CD2AP: variants seen among roughly 807,000 people sequenced by gnomAD.
The protein encoded by CD2AP is CD2-associated protein.
Under a neutral mutation model 85.1 loss-of-function variants are expected in CD2AP, and 46 were observed. That is an observed-to-expected ratio of 0.54 (90% CI 0.43 to 0.69). The LOEUF is 0.69. CD2AP is among the 30% of genes least tolerant of loss of function. The pLI is 0.00. For missense variants in CD2AP, 769 were observed against 729.5 expected (o/e 1.05, Z -0.62); for synonymous variants, 255 against 252.9 (o/e 1.01, Z -0.08).
intron 4 of CD2AP, among the ~76,000 whole-genome samples, chr6:47,548,375 C>T (rs1767422604): frequency 6.6e-6 from 1 of 152,130 alleles, no homozygotes. Flanking sequence ...GGAGATATTA[C>T]AGTTGACACC....
chr6:47,480,733 G>GAA lies in CD2AP; in HGVS notation c.4+2494_4+2495dup, dbSNP rs141302240. On this transcript the variant is annotated intron_variant, in intron 1 of 17. Coordinates refer to ENST00000359314, the MANE Select transcript of CD2AP (RefSeq NM_012120.3). ...TTCCCTAATTCTTGTACCAACTTGGGAAAAAAAAAATCTCAATTTTTGACC... is the reference window on the plus strand; with the variant it reads ...TTCCCTAATTCTTGTACCAACTTGGGAAAAAAAAAAAATCTCAATTTTTGACC... Among the ~76,000 whole-genome samples, 6 of 149,612 alleles carry GAA rather than the reference G, an allele frequency of 4.0e-5. No individual in the cohort carries two copies. The East Asian group carries it at 9.7e-4, about 24-fold the overall frequency.
intron 4 of CD2AP, among the ~76,000 whole-genome samples, chr6:47,548,137 C>T (rs918200666): frequency 1.3e-5 from 2 of 151,858 alleles, no homozygotes; most frequent in Admixed American, 6.6e-5. Flanking sequence ...AAGGGCACCT[C>T]AAGAAACGAG....
Position 47,533,594 on chromosome 6 carries a change from T to G in CD2AP, c.166-8T>G. On this transcript the variant is annotated splice_region_variant and splice_polypyrimidine_tract_variant and intron_variant, in intron 2 of 17. Coordinates refer to ENST00000359314, the MANE Select transcript of CD2AP (RefSeq NM_012120.3). ...AACTTGCCTCTTTATTTATTTTCCCTTTTGTAGGAAATTAAAAGAGAGACG... is the reference window on the plus strand; with the variant it reads ...AACTTGCCTCTTTATTTATTTTCCCGTTTGTAGGAAATTAAAAGAGAGACG... 6.2e-7 allele frequency: 1 copy of G among 1,612,988 alleles called. No homozygotes were observed. Among genetic ancestry groups the G allele is most frequent in the Non-Finnish European group, 8.5e-7 (1 of 1,179,456 alleles).
intron 13 of CD2AP, among the ~76,000 whole-genome samples, chr6:47,601,239 C>G (rs1425243815): frequency 6.6e-6 from 1 of 151,782 alleles, no homozygotes; most frequent in Non-Finnish European, 1.5e-5. Flanking sequence ...GTTATTTACT[C>G]CCTATATAGT....
intron 5 of CD2AP, among the ~76,000 whole-genome samples, chr6:47,564,257 C>G (rs1304643412): frequency 2.0e-5 from 3 of 152,104 alleles, no homozygotes; most frequent in Non-Finnish European, 4.4e-5. Flanking sequence ...TTAGGGTTCA[C>G]AGGTATTGGA....
At chr6:47,526,135 T>C (rs1329850711) in intron 2 of CD2AP, among the ~76,000 whole-genome samples, 3 of 152,192 alleles carry the variant, frequency 2.0e-5, no homozygotes, top group African/African-American at 7.2e-5. Flanking sequence ...CCTTAGGTAC[T>C]AGGTAAAGTT....
intron 4 of CD2AP, among the ~76,000 whole-genome samples, chr6:47,545,659 C>T (rs531030124): frequency 3.9e-5 from 6 of 152,278 alleles, no homozygotes; most frequent in African/African-American, 9.6e-5. Flanking sequence ...CTGGTATCCA[C>T]GGCTAAGAGA....
At chr6:47,491,879 C>A (rs867042677) in intron 1 of CD2AP, among the ~76,000 whole-genome samples, 5 of 152,052 alleles carry the variant, frequency 3.3e-5, no homozygotes, top group African/African-American at 2.4e-5. Context: ...CCAGCACCCC[C>A]AAACAGAACC....
chr6:47,494,603 T>TC (rs1034570914), intron 1 of CD2AP, among the ~76,000 whole-genome samples: 12 of 152,254 alleles, frequency 7.9e-5, no homozygotes, highest in African/African-American at 2.6e-4. Context: ...ACTTTTCTTT[T>TC]CCTCCTTGCC....
intron 11 of CD2AP, among the ~76,000 whole-genome samples, chr6:47,583,708 T>C (rs9395283): frequency 0.27 from 40,892 of 152,076 alleles, 5,695 homozygotes; most frequent in African/African-American, 0.33. Context: ...TTGGCACTTA[T>C]AAGGGGAGCT....
chr6:47,553,082 C>A (rs996532218), intron 4 of CD2AP, among the ~76,000 whole-genome samples: 2 of 151,710 alleles, frequency 1.3e-5, no homozygotes, highest in Admixed American at 6.6e-5. Context: ...TGTATTGTAG[C>A]CATCTGCTTA....
intron 2 of CD2AP, among the ~76,000 whole-genome samples, chr6:47,505,655 G>A (rs1315446201): frequency 8.8e-5 from 9 of 101,932 alleles, no homozygotes; most frequent in Admixed American, 1.9e-4. Flanking sequence ...CGGACGGGGC[G>A]GCTGGCCGGG....
intron 1 of CD2AP, among the ~76,000 whole-genome samples, chr6:47,494,554 T>C (rs1765810443): frequency 6.6e-6 from 1 of 152,134 alleles, no homozygotes; most frequent in Non-Finnish European, 1.5e-5. Context: ...GTGTAGGCCT[T>C]TGTTACAGAG....
rs990615740 is a variant in CD2AP, at chr6:47,511,012, G to T, written c.165+7572G>T. ...TGCTTGAACCCGGGAGGTAGAGGTTGCAATGAGCTGAGATCGCGCCACTGC... is the reference window on the plus strand; with the variant it reads ...TGCTTGAACCCGGGAGGTAGAGGTTTCAATGAGCTGAGATCGCGCCACTGC... On this transcript the variant is annotated intron_variant, in intron 2 of 17. Transcript: ENST00000359314. Among the ~76,000 whole-genome samples, 23 of 132,790 alleles carry T rather than the reference G, an allele frequency of 1.7e-4. 1 individual carries two copies. Among genetic ancestry groups the T allele is most frequent in the South Asian group, 2.5e-4 (1 of 4,060 alleles). 87.1% of individuals were successfully genotyped at this position (132,790 alleles called of 152,430 possible).
intron 12 of CD2AP, among the ~76,000 whole-genome samples, chr6:47,598,837 A>C (rs1769024803): frequency 6.6e-6 from 1 of 150,588 alleles, no homozygotes; most frequent in African/African-American, 2.4e-5. Flanking sequence ...CCAGAATCTT[A>C]GAAATCACCA....
intron 2 of CD2AP, among the ~76,000 whole-genome samples, chr6:47,518,489 C>G (rs1225388146): frequency 6.6e-6 from 1 of 152,082 alleles, no homozygotes; most frequent in Non-Finnish European, 1.5e-5. Flanking sequence ...TGTCTGCTCT[C>G]CTTTGCTAAG....
At chr6:47,488,738 AG>A (rs1213185745) in intron 1 of CD2AP, among the ~76,000 whole-genome samples, 3 of 147,038 alleles carry the variant, frequency 2.0e-5, no homozygotes, top group Non-Finnish European at 3.0e-5. Flanking sequence ...AAAAAAAAAA[AG>A]AGATAGCCAG....
intron 14 of CD2AP, among the ~76,000 whole-genome samples, chr6:47,607,418 C>G (rs1209913721): frequency 2.0e-5 from 3 of 152,036 alleles, no homozygotes; most frequent in Non-Finnish European, 4.4e-5. Flanking sequence ...ACATTCCCCC[C>G]AACAGTGTAC....
At chr6:47,553,513 A>ATTTTT (rs148273065) in intron 4 of CD2AP, among the ~76,000 whole-genome samples, 10 of 110,512 alleles carry the variant, frequency 9.0e-5, no homozygotes, top group African/African-American at 1.1e-4. Flanking sequence ...CACCTAGTGA[A>ATTTTT]TTTTTTTTTT....
Sources: gnomAD v4.1 joint callset for allele counts (sites outside exome capture counted in the v4.1 genomes callset) on GRCh38, gnomAD v4.1.1 for gene constraint, MANE v1.5 for transcripts, NCBI Gene and HGNC (gene_info 2026-07-23, HGNC 2026-07-21) for gene names.